The following CADM2 variants were observed in gnomAD, a reference collection of about 807,000 sequenced individuals.
The protein encoded by CADM2 is cell adhesion molecule 2, also known as immunoglobulin superfamily member 4D.
A neutral mutation model predicts 49.8 loss-of-function variants in CADM2; 12 were observed. That is an observed-to-expected ratio of 0.24 (90% CI 0.15 to 0.39). The LOEUF is 0.39. CADM2 is among the 10% of genes least tolerant of loss of function. The probability of loss-of-function intolerance (pLI) is 1.00; values close to 1 mark genes in which losing one functional copy is unlikely to be tolerated. For synonymous variants in CADM2, 214 were observed against 175.4 expected, an observed-to-expected ratio of 1.22 and a Z score of -1.74; for missense variants, 378 against 492.3, an observed-to-expected ratio of 0.77 and a Z score of 2.20.
chr3:85,769,536 T>C (rs991055392), intron 2 of CADM2, among the ~76,000 whole-genome samples: 1 of 114,382 alleles, frequency 8.7e-6, no homozygotes, highest in Admixed American at 1.1e-4. Context: ...TATGTATATA[T>C]ACACGTATAT....
intron 1 of CADM2, among the ~76,000 whole-genome samples, chr3:85,201,230 A>G (rs1335594822): frequency 6.6e-6 from 1 of 152,206 alleles, no homozygotes; most frequent in Non-Finnish European, 1.5e-5. Context: ...GATCACCACA[A>G]TAAAGAATAT....
chr3:86,056,415 T>G (rs993736360), intron 8 of CADM2, among the ~76,000 whole-genome samples: 1 of 152,240 alleles, frequency 6.6e-6, no homozygotes, highest in African/African-American at 2.4e-5. Flanking sequence ...CATTTTCCAT[T>G]TAATTTTTGT....
At chr3:85,391,950 GTC>G (rs1262284968) in intron 1 of CADM2, among the ~76,000 whole-genome samples, 1 of 152,082 alleles carries the variant, frequency 6.6e-6, no homozygotes, top group Admixed American at 6.6e-5. Flanking sequence ...AGACAAAACA[GTC>G]TCTGTTTGTA....
intron 1 of CADM2, among the ~76,000 whole-genome samples, chr3:85,566,798 C>T (rs1202571328): frequency 2.0e-5 from 3 of 152,076 alleles, no homozygotes; most frequent in African/African-American, 7.2e-5. Context: ...AATTGAAGAT[C>T]GCAAGGATGC....
rs1281710685 is a variant in CADM2 at position 85,933,213 on chromosome 3, C to T, written c.701-2554C>T. Among the ~76,000 whole-genome samples, 4 of 151,968 alleles carry T rather than the reference C, an allele frequency of 2.6e-5. 1 individual carries two copies. The highest frequency in any genetic ancestry group is 4.8e-5 in the African/African-American group (2 of 41,378). On this transcript the variant is annotated intron_variant, in intron 6 of 9. Coordinates refer to ENST00000383699, the MANE Select transcript of CADM2 (RefSeq NM_001167675.2). Reference sequence around the variant, plus strand: ...TAGGAAATAACACCTCCTCACCAACCTCCTCCACCCCCACCCTCAGGAGCA... The same window carrying T: ...TAGGAAATAACACCTCCTCACCAACTTCCTCCACCCCCACCCTCAGGAGCA...
At chr3:85,986,973 G>A (rs921029857) in intron 8 of CADM2, among the ~76,000 whole-genome samples, 3 of 151,952 alleles carry the variant, frequency 2.0e-5, no homozygotes, top group African/African-American at 7.2e-5. Context: ...GAGTGCTAAA[G>A]TTTTTATTTA....
chr3:85,713,190 C>T (rs553386795), intron 1 of CADM2, among the ~76,000 whole-genome samples: 3 of 152,280 alleles, frequency 2.0e-5, no homozygotes, highest in African/African-American at 7.2e-5. Context: ...CTCCGCCTCC[C>T]GGGTTCAAGC....
chr3:85,155,575 C>T (rs2107655429), intron 1 of CADM2, among the ~76,000 whole-genome samples: 1 of 152,222 alleles, frequency 6.6e-6, no homozygotes, highest in African/African-American at 2.4e-5. Flanking sequence ...GAACTCAGCT[C>T]TGCATCAAGA....
At chr3:86,017,762 G>T (rs1431791452) in intron 8 of CADM2, among the ~76,000 whole-genome samples, 1 of 149,850 alleles carries the variant, frequency 6.7e-6, no homozygotes, top group East Asian at 1.9e-4. Flanking sequence ...GAAGAAGAAA[G>T]GGATTTCTTT....
intron 1 of CADM2, among the ~76,000 whole-genome samples, chr3:85,356,458 A>G (rs1394744148): frequency 6.6e-6 from 1 of 152,096 alleles, no homozygotes; most frequent in Non-Finnish European, 1.5e-5. Flanking sequence ...GGGTCAGTCC[A>G]TGCAGAATCT....
intron 1 of CADM2, among the ~76,000 whole-genome samples, chr3:85,504,620 G>C (rs1005427276): frequency 3.9e-5 from 6 of 152,230 alleles, no homozygotes; most frequent in Non-Finnish European, 5.9e-5. Flanking sequence ...TCACCCAGTA[G>C]ATACCTCACC....
chr3:85,474,765 C>A (rs1197540187), intron 1 of CADM2, among the ~76,000 whole-genome samples: 1 of 151,742 alleles, frequency 6.6e-6, no homozygotes, highest in Non-Finnish European at 1.5e-5. Context: ...TGTGTAAACA[C>A]TTAACATGGT....
chr3:85,673,759 C>T (rs2065815485), intron 1 of CADM2, among the ~76,000 whole-genome samples: 1 of 151,962 alleles, frequency 6.6e-6, no homozygotes, highest in Non-Finnish European at 1.5e-5. Context: ...TTTGCTACAC[C>T]TTTTTACTTT....
rs372287008 is a variant in CADM2, at chr3:85,732,333, C to T, written c.88+5785C>T. On this transcript the variant is annotated intron_variant, in intron 2 of 9. Coordinates refer to ENST00000383699, the MANE Select transcript of CADM2 (RefSeq NM_001167675.2). ...ACAGCTACAAAATCTTCATAAAAAACGAATCAGGAGTCAATTATTGAAGTT... is the reference window on the plus strand; with the variant it reads ...ACAGCTACAAAATCTTCATAAAAAATGAATCAGGAGTCAATTATTGAAGTT... 1.1e-4 allele frequency among the ~76,000 whole-genome samples: 17 copies of T among 151,860 alleles called. No individual in the cohort carries two copies. The South Asian group carries it at 1.2e-3, about 11-fold the overall frequency.
chr3:85,684,888 C>A (rs2066156147), intron 1 of CADM2, among the ~76,000 whole-genome samples: 1 of 152,162 alleles, frequency 6.6e-6, no homozygotes, highest in Non-Finnish European at 1.5e-5. Flanking sequence ...GGGAACACAG[C>A]CAAACCAAAT....
intron 1 of CADM2, among the ~76,000 whole-genome samples, chr3:85,294,631 C>T (rs1009298680): frequency 8.0e-4 from 122 of 151,696 alleles, no homozygotes; most frequent in Admixed American, 1.3e-3. Context: ...TCAGAAATAA[C>T]GCTGCATATC....
intron 1 of CADM2, among the ~76,000 whole-genome samples, chr3:85,573,623 A>G (rs186988583): frequency 3.3e-5 from 5 of 152,338 alleles, no homozygotes; most frequent in Admixed American, 6.5e-5. Flanking sequence ...TCTTGCATGA[A>G]TATGTAATCT....
intron 3 of CADM2, among the ~76,000 whole-genome samples, chr3:85,845,181 C>CAAAGA (rs1357568255): frequency 6.8e-6 from 1 of 146,402 alleles, no homozygotes; most frequent in Non-Finnish European, 1.5e-5. Flanking sequence ...AAAAGAAGAG[C>CAAAGA]AAAGAAAAGA....
At chr3:85,491,012 T>C (rs2039647927) in intron 1 of CADM2, among the ~76,000 whole-genome samples, 1 of 152,262 alleles carries the variant, frequency 6.6e-6, no homozygotes, top group Non-Finnish European at 1.5e-5. Flanking sequence ...TTACTTGCTC[T>C]GAATTTTTCT....
Sources: allele counts gnomAD v4.1 joint callset (sites outside exome capture counted in the v4.1 genomes callset), GRCh38; gene constraint gnomAD v4.1.1; transcripts MANE v1.5; gene names NCBI Gene and HGNC (gene_info 2026-07-23, HGNC 2026-07-21).